MGAT4A: variants seen among roughly 807,000 people sequenced by gnomAD.
MGAT4A encodes the protein alpha-1,3-mannosyl-glycoprotein 4-beta-N-acetylglucosaminyltransferase A.
In MGAT4A, 33 loss-of-function variants were observed where a neutral mutation model predicts 74.1. The ratio of observed to expected loss-of-function variants is 0.45; its 90% confidence interval spans 0.34 to 0.60. The LOEUF is 0.60. Among genes scored for constraint, MGAT4A ranks in the 20% least tolerant of loss-of-function variants. The probability of loss-of-function intolerance (pLI) is 0.02; values close to 1 mark genes in which losing one functional copy is unlikely to be tolerated. For synonymous variants in MGAT4A, 198 were observed against 210.4 expected (o/e 0.94, Z 0.51); for missense variants, 479 against 628.3 (o/e 0.76, Z 2.54).
intron 4 of MGAT4A, among the ~76,000 whole-genome samples, 186 bp downstream of exon 4, chr2:98,674,849 A>G (rs1251553154): frequency 6.6e-6 from 1 of 152,200 alleles, no homozygotes. Context: ...TTTCAGCTGT[A>G]TTACTTTGGT....
intron 8 of MGAT4A, among the ~76,000 whole-genome samples, chr2:98,654,128 A>C (rs935818278): frequency 7.2e-5 from 11 of 152,344 alleles, no homozygotes; most frequent in Admixed American, 7.2e-4. Flanking sequence ...GATTAAAAAA[A>C]ATGTGACGAA....
At chr2:98,655,320 G>A in intron 8 of MGAT4A, 125 bp downstream of exon 8, 1 of 661,796 alleles carries the variant, frequency 1.5e-6, no homozygotes, top group Non-Finnish European at 2.5e-6. Flanking sequence ...TCTGCTCTGA[G>A]ATAGTTATGA....
intron 10 of MGAT4A, among the ~76,000 whole-genome samples, chr2:98,643,224 A>T (rs540279706): frequency 6.6e-6 from 1 of 152,172 alleles, no homozygotes; most frequent in South Asian, 2.1e-4. Context: ...GGGTCTTGAT[A>T]TGTTGCCCAG....
intron 13 of MGAT4A, 113 bp downstream of exon 13, chr2:98,636,404 T>C (rs922453853): frequency 5.7e-5 from 45 of 794,840 alleles, no homozygotes; most frequent in Non-Finnish European, 7.5e-5. Flanking sequence ...TTATTCACCA[T>C]TGAGTCCTGC....
intron 2 of MGAT4A, among the ~76,000 whole-genome samples, chr2:98,686,057 C>T (rs1215938662): frequency 6.6e-6 from 1 of 152,118 alleles, no homozygotes; most frequent in South Asian, 2.1e-4. Context: ...TGAAGATTAA[C>T]TTGGGACAGA....
intron 13 of MGAT4A, among the ~76,000 whole-genome samples, chr2:98,635,724 G>A (rs991063890): frequency 1.3e-5 from 2 of 152,092 alleles, no homozygotes; most frequent in African/African-American, 4.8e-5. Flanking sequence ...CAGGCACAGT[G>A]GCTCATGCCT....
chr2:98,629,412 G>A (rs1169087069), intron 14 of MGAT4A, among the ~76,000 whole-genome samples: 1 of 152,156 alleles, frequency 6.6e-6, no homozygotes, highest in African/African-American at 2.4e-5. Context: ...TGGGTAGCAG[G>A]TAGGTGCTAC....
chr2:98,686,226 G>T (rs1432102862), intron 2 of MGAT4A, among the ~76,000 whole-genome samples: 4 of 152,080 alleles, frequency 2.6e-5, no homozygotes, highest in Non-Finnish European at 5.9e-5. Flanking sequence ...GGAAAATGGG[G>T]CTCATAGATA....
rs1161785573 is a variant in MGAT4A at position 98,621,678 on chromosome 2, C to T, written c.*3888G>A. On this transcript the variant is annotated 3_prime_UTR_variant, in exon 16 of 16. Transcript: ENST00000393487. ...GGGGTCATTCTTAGAAATTTGCCTACCACAAATATACACTGTTATTCACTA... is the reference window on the plus strand; with the variant it reads ...GGGGTCATTCTTAGAAATTTGCCTATCACAAATATACACTGTTATTCACTA... 7 of 1,424,348 alleles carry T rather than the reference C, an allele frequency of 4.9e-6. No homozygotes were observed. Among genetic ancestry groups the T allele is most frequent in the Non-Finnish European group, 6.4e-6 (7 of 1,090,368 alleles). The allele number at this position is 1,424,348 out of a possible 1,614,324, so 88.2% of individuals were successfully genotyped here.
At chr2:98,669,305 C>A (rs933708313) in intron 4 of MGAT4A, among the ~76,000 whole-genome samples, 2 of 152,140 alleles carry the variant, frequency 1.3e-5, no homozygotes, top group South Asian at 4.1e-4. Flanking sequence ...ATAAGCCTCA[C>A]GAGATCTGAT....
At chr2:98,637,953 A>G (rs1701348822) in intron 12 of MGAT4A, among the ~76,000 whole-genome samples, 1 of 152,234 alleles carries the variant, frequency 6.6e-6, no homozygotes. Flanking sequence ...TTGGGGTGAT[A>G]GAAACGGTCC....
chr2:98,658,981 G>C (rs1221868794), intron 5 of MGAT4A, among the ~76,000 whole-genome samples: 2 of 152,126 alleles, frequency 1.3e-5, no homozygotes, highest in Non-Finnish European at 2.9e-5. Context: ...TCTAGGCCAG[G>C]CTGCACTGCA....
rs1294311487 is a variant in MGAT4A, at chr2:98,639,962, C to T, written c.1168G>A (p.Val390Ile). 1.2e-6 allele frequency: 2 copies of T among 1,613,672 alleles called. No homozygotes were observed. Among genetic ancestry groups the T allele is most frequent in the East Asian group, 4.5e-5 (2 of 44,890 alleles). ...YMKPLLLKIHVNPPAEVSTSL... is the reference protein window; with the variant it reads ...YMKPLLLKIHINPPAEVSTSL... ...GTAGATACCTCCGCAGGTGGGTTTA[C>T]ATGGATTTTAAGAAGTAATGGTTTC... The change falls in exon 12 of 16, where the codon GTA (valine) becomes ATA (isoleucine). Residue 390 changes from valine (V) to isoleucine (I), a missense_variant. By Grantham distance (29) the Val-to-Ile change is conservative (BLOSUM62 3). Coordinates refer to ENST00000393487, the MANE Select transcript of MGAT4A (RefSeq NM_012214.3).
Position 98,622,525 on chromosome 2 carries a change from C to T in MGAT4A, c.*3041G>A. 1 of 985,410 alleles carries T rather than the reference C, an allele frequency of 1.0e-6. No homozygotes were observed. The allele number at this position is 985,410 out of a possible 1,614,324, so 61.0% of individuals were successfully genotyped here. A position where few individuals can be genotyped will look rare whatever the true frequency, so the allele number is the denominator to read the frequency against. ...CGCCCTCTCAAGGCAAAGTATTTAC[C>T]TTCTTCCAGTTCCAGGGACTCTTCC... On this transcript the variant is annotated 3_prime_UTR_variant, in exon 16 of 16. Transcript: ENST00000393487.
intron 12 of MGAT4A, among the ~76,000 whole-genome samples, chr2:98,638,026 G>A (rs1221377571): frequency 6.6e-6 from 1 of 152,200 alleles, no homozygotes; most frequent in East Asian, 1.9e-4. Context: ...CAAGTGGGGT[G>A]ATGGGTACAC....
At position 98,621,964 on chromosome 2, in the gene MGAT4A, T is replaced by G; in HGVS notation, c.*3602A>C. 1.0e-6 allele frequency: 1 copy of G among 989,792 alleles called. No individual in the cohort carries two copies. Among genetic ancestry groups the G allele is most frequent in the African/African-American group, 1.7e-5 (1 of 57,428 alleles). 61.3% of individuals were successfully genotyped at this position (989,792 alleles called of 1,614,324 possible). A position where few individuals can be genotyped will look rare whatever the true frequency, so the allele number is the denominator to read the frequency against. On this transcript the variant is annotated 3_prime_UTR_variant, in exon 16 of 16. Coordinates refer to ENST00000393487, the MANE Select transcript of MGAT4A (RefSeq NM_012214.3). ...TACACACATACGTATCTACAGCCTA[T>G]GTGCTAAATAATCCTTTGTGTTAAC... is the stretch of plus-strand genomic sequence containing the variant.
rs201224570 is a variant in MGAT4A, at chr2:98,663,130, G to A, written c.453C>T (p.Tyr151=). Reference sequence around the variant, plus strand: ...TAAGGGAATGAAGAGTTTCTATGAGGTAAGATTTAACTTCTCTCTTCACTG... The same window carrying A: ...TAAGGGAATGAAGAGTTTCTATGAGATAAGATTTAACTTCTCTCTTCACTG... ...IPTVKREVKS[Y]LIETLHSLID... The change falls in exon 5 of 16, where the codon TAC becomes TAT. Residue 151 remains tyrosine (Y), a synonymous_variant. Coordinates refer to ENST00000393487, the MANE Select transcript of MGAT4A (RefSeq NM_012214.3). 6.2e-7 allele frequency: 1 copy of A among 1,603,576 alleles called. No individual in the cohort carries two copies. The highest frequency in any genetic ancestry group is 8.5e-7 in the Non-Finnish European group (1 of 1,173,148).
At chr2:98,657,618 G>A (rs2104262627) in intron 6 of MGAT4A, among the ~76,000 whole-genome samples, 1 of 152,214 alleles carries the variant, frequency 6.6e-6, no homozygotes, top group South Asian at 2.1e-4. Flanking sequence ...TTTTTAAGTA[G>A]AAGGTATATC....
chr2:98,687,591 T>C (rs1209087796), intron 2 of MGAT4A, among the ~76,000 whole-genome samples: 1 of 152,162 alleles, frequency 6.6e-6, no homozygotes, highest in African/African-American at 2.4e-5. Flanking sequence ...TTCAAATTCT[T>C]CTGTGTTTCT....
Sources: allele counts gnomAD v4.1 joint callset (sites outside exome capture counted in the v4.1 genomes callset), GRCh38; gene constraint gnomAD v4.1.1; transcripts MANE v1.5; gene names NCBI Gene and HGNC (gene_info 2026-07-23, HGNC 2026-07-21).